The following CACNA1S variants were observed in gnomAD, a reference collection of about 807,000 sequenced individuals.
The protein encoded by CACNA1S is calcium voltage-gated channel subunit alpha1 S, also known as voltage-dependent L-type calcium channel subunit alpha-1S.
A neutral mutation model predicts 207.4 loss-of-function variants in CACNA1S; 126 were observed. That is an observed-to-expected ratio of 0.61 (90% CI 0.53 to 0.70). The LOEUF is 0.70. Ranked by LOEUF, CACNA1S falls within the 30% of genes least tolerant of loss-of-function variation. CACNA1S has a pLI of 0.00. For missense variants in CACNA1S, 2,349 were observed against 2,422.8 expected, an observed-to-expected ratio of 0.97 and a Z score of 0.64; for synonymous variants, 960 against 932.7, an observed-to-expected ratio of 1.03 and a Z score of -0.53.
chr1:201,061,435 C>A lies in CACNA1S; in HGVS notation c.3087G>T (p.Glu1029Asp), dbSNP rs1661045420. 1.2e-6 allele frequency: 2 copies of A among 1,614,220 alleles called. No individual in the cohort carries two copies. The highest frequency in any genetic ancestry group is 4.5e-5 in the East Asian group (2 of 44,886). Residue 1029 changes from glutamate to aspartate, a missense_variant, in exon 25 of 44, where the codon GAG (glutamate) becomes GAT (aspartate). Coordinates refer to ENST00000362061, the MANE Select transcript of CACNA1S (RefSeq NM_000069.3). Reference protein sequence around the residue: ...LLYKAIDSNAEDVGPIYNNRV... With the variant: ...LLYKAIDSNADDVGPIYNNRV... ...GGTTGTTGTAGATGGGACCCACGTCCTCCGCATTGGAGTCTATGGCCTTGT... is the reference window on the plus strand; with the variant it reads ...GGTTGTTGTAGATGGGACCCACGTCATCCGCATTGGAGTCTATGGCCTTGT...
At chr1:201,078,373 T>C (rs1353037979) in intron 10 of CACNA1S, among the ~76,000 whole-genome samples, 1 of 152,110 alleles carries the variant, frequency 6.6e-6, no homozygotes, top group Non-Finnish European at 1.5e-5. Flanking sequence ...TAGTTTTTTG[T>C]ATTTTTAATA....
chr1:201,061,893 G>T, intron 24 of CACNA1S, 51 bp downstream of exon 24: 1 of 1,608,642 alleles, frequency 6.2e-7, no homozygotes, highest in Non-Finnish European at 8.5e-7. Context: ...CTGGCTGCCT[G>T]GTCCTACCTG....
At position 201,043,268 on chromosome 1, in the gene CACNA1S, T is replaced by C. The variant is rs1660344407; in HGVS notation, c.5048+13A>G. On this transcript the variant is annotated intron_variant, in intron 40 of 43. Coordinates refer to ENST00000362061, the MANE Select transcript of CACNA1S (RefSeq NM_000069.3). ...GTACCTCTACACCCAGGGATGGCAG[T>C]GGCCGCCACTACCTGGAAAACACAT... 1.9e-6 allele frequency: 3 copies of C among 1,614,154 alleles called. No homozygotes were observed. The highest frequency in any genetic ancestry group is 2.5e-6 in the Non-Finnish European group (3 of 1,180,020).
In CACNA1S at chr1:201,093,734, G is replaced by A. The variant is rs562359949; in HGVS notation, c.398+148C>T. ...CACCAACATGGACAGCTCCCTTGCT[G>A]GGCCGGCCTCTAACAGAGGCTGCTC... On this transcript the variant is annotated intron_variant, in intron 3 of 43. Coordinates refer to ENST00000362061, the MANE Select transcript of CACNA1S (RefSeq NM_000069.3). 4.9e-4 allele frequency: 466 copies of A among 957,882 alleles called. 3 individuals carry two copies. In the African/African-American group the frequency reaches 6.6e-3, roughly 14 times the overall value. The allele number at this position is 957,882 out of a possible 1,614,324, so 59.3% of individuals were successfully genotyped here. A position where few individuals can be genotyped will look rare whatever the true frequency, so the allele number is the denominator to read the frequency against.
At chr1:201,096,753 C>T (rs1662446906) in intron 2 of CACNA1S, among the ~76,000 whole-genome samples, 1 of 152,226 alleles carries the variant, frequency 6.6e-6, no homozygotes. Context: ...GTGTCTACCC[C>T]TGCCTGGCAT....
In CACNA1S at chr1:201,041,511, C is replaced by G. The variant is rs1448271968; in HGVS notation, c.5127G>C (p.Arg1709Ser). Residue 1709 changes from arginine (R) to serine (S), a missense_variant, in exon 41 of 44, where the codon AGG becomes AGC. Arg to Ser is a moderately radical substitution (Grantham distance 110). Coordinates refer to ENST00000362061, the MANE Select transcript of CACNA1S (RefSeq NM_000069.3). ...TRGRALGQPC[R>S]VLGPHSKPCV... ...TGCACAGAAGGGACTGACCCAGGAC[C>G]CTGCAGGGTTGGCCAAGGGCTCGTC... The G allele has an allele frequency of 6.2e-7, 1 of 1,613,490 alleles. No individual in the cohort carries two copies. Among genetic ancestry groups the G allele is most frequent in the South Asian group, 1.1e-5 (1 of 91,054 alleles).
Position 201,066,037 on chromosome 1 carries a change from G to A in CACNA1S, c.2746-92C>T, listed in dbSNP as rs1208730209. 5 of 1,000,974 alleles carry A rather than the reference G, an allele frequency of 5.0e-6. No homozygotes were observed. Among genetic ancestry groups the A allele is most frequent in the African/African-American group, 4.8e-5 (3 of 62,508 alleles). The allele number at this position is 1,000,974 out of a possible 1,614,324, so 62.0% of individuals were successfully genotyped here. A position where few individuals can be genotyped will look rare whatever the true frequency, so the allele number is the denominator to read the frequency against. ...AAACCCCAGGAGTGCAAGACTTGCT[G>A]CCTCCTGATGAGTTGGAGGTGGGGA... is the stretch of plus-strand genomic sequence containing the variant. On this transcript the variant is annotated intron_variant, in intron 21 of 43. Transcript: ENST00000362061. This position sits in a 1 kb window ranked among gnomAD's most constrained non-coding sequence, Gnocchi z 4.3.
chr1:201,076,206 G>A (rs192535575), intron 12 of CACNA1S, among the ~76,000 whole-genome samples: 14 of 152,194 alleles, frequency 9.2e-5, no homozygotes, highest in Non-Finnish European at 1.8e-4. Flanking sequence ...ACCCACCCAG[G>A]CCTCCTGTTA....
rs958334061 is a variant in CACNA1S, at chr1:201,046,988, T to A, written c.4668+127A>T. On this transcript the variant is annotated intron_variant, in intron 38 of 43. Transcript: ENST00000362061. The stretch of plus-strand genomic sequence containing the variant: ...CAGAACTGTCTTGACATTTTTTCAC[T>A]CTTCTGGGCTTCCTTTTTCCCTCTA... The A allele has an allele frequency of 1.7e-5, 22 of 1,298,032 alleles. No homozygotes were observed. The African/African-American group carries it at 2.1e-4, about 12-fold the overall frequency. 80.4% of individuals were successfully genotyped at this position (1,298,032 alleles called of 1,614,324 possible). A position where few individuals can be genotyped will look rare whatever the true frequency, so the allele number is the denominator to read the frequency against.
chr1:201,089,357 C>A lies in CACNA1S; in HGVS notation c.801G>T (p.Gly267=), dbSNP rs1174967848. The A allele has an allele frequency of 8.7e-6, 14 of 1,614,136 alleles. No individual in the cohort carries two copies. The South Asian group carries it at 1.5e-4, about 18-fold the overall frequency. ...CGAAGTGGGTGATGCCATGGTTGGG[C>A]CCTGGCCAGCCGCCCCGGCACTCAC... The part of the protein sequence containing the change: ...NGSECRGGWP[G]PNHGITHFDN... Residue 267 remains glycine, a synonymous_variant, in exon 6 of 44, where the codon GGG becomes GGT. Coordinates refer to ENST00000362061, the MANE Select transcript of CACNA1S (RefSeq NM_000069.3).
chr1:201,106,960 C>T (rs1456504624), intron 2 of CACNA1S, among the ~76,000 whole-genome samples: 1 of 152,238 alleles, frequency 6.6e-6, no homozygotes, highest in Non-Finnish European at 1.5e-5. Flanking sequence ...AGAGCCATGT[C>T]CTTCCCTGAG....
intron 3 of CACNA1S, 109 bp downstream of exon 3, chr1:201,093,773 G>T: frequency 7.4e-7 from 1 of 1,357,696 alleles, no homozygotes. Flanking sequence ...GCAGTGGTTA[G>T]CACAATGCTG....
At chr1:201,086,792 AT>A (rs1662052499) in intron 7 of CACNA1S, among the ~76,000 whole-genome samples, 1 of 152,242 alleles carries the variant, frequency 6.6e-6, no homozygotes, top group Non-Finnish European at 1.5e-5. Flanking sequence ...ATCTATCATA[AT>A]TTCAAAGTAT....
chr1:201,077,795 C>T, intron 11 of CACNA1S, 84 bp downstream of exon 11: 1 of 906,838 alleles, frequency 1.1e-6, no homozygotes, highest in South Asian at 1.5e-5. Flanking sequence ...GATCCCAGAC[C>T]TCAGGAAATG....
Position 201,047,466 on chromosome 1 carries a change from G to A in CACNA1S, c.4543+59C>T, listed in dbSNP as rs189091566. 55 of 1,441,264 alleles carry A rather than the reference G, an allele frequency of 3.8e-5. No individual in the cohort carries two copies. The East Asian group carries it at 1.2e-3, about 32-fold the overall frequency. 89.3% of individuals were successfully genotyped at this position (1,441,264 alleles called of 1,614,324 possible). On this transcript the variant is annotated intron_variant, in intron 37 of 43. Transcript: ENST00000362061. ...GATTCCCATGGGGCTCCTTGGAGAA[G>A]CTCCCCACTCCCATTCCTTGGCTGC... is the stretch of plus-strand genomic sequence containing the variant.
intron 2 of CACNA1S, among the ~76,000 whole-genome samples, chr1:201,100,342 C>T (rs985422667): frequency 2.6e-5 from 4 of 152,206 alleles, no homozygotes; most frequent in East Asian, 1.9e-4. Flanking sequence ...TCTGGTAGGC[C>T]GGCCTGATGT....
intron 12 of CACNA1S, 138 bp from the exon 13 acceptor site, chr1:201,075,753 G>T: frequency 1.1e-6 from 1 of 929,312 alleles, no homozygotes; most frequent in Non-Finnish European, 1.7e-6. Flanking sequence ...AGTCTGGGTG[G>T]CCAGCCCCTG....
intron 26 of CACNA1S, 129 bp downstream of exon 26, chr1:201,060,529 C>A: frequency 1.0e-6 from 1 of 954,714 alleles, no homozygotes; most frequent in Non-Finnish European, 1.6e-6. Flanking sequence ...TTCCATGTAG[C>A]ACCTCAGCAC....
At chr1:201,096,576 C>T (rs1039468711) in intron 2 of CACNA1S, among the ~76,000 whole-genome samples, 2 of 152,212 alleles carry the variant, frequency 1.3e-5, no homozygotes, top group African/African-American at 4.8e-5. Context: ...AAGCATCCAT[C>T]GTGGGCAGGT....
Sources: allele counts gnomAD v4.1 joint callset (sites outside exome capture counted in the v4.1 genomes callset), GRCh38; gene constraint gnomAD v4.1.1; non-coding constraint Gnocchi (gnomAD v3.1); transcripts MANE v1.5; gene names NCBI Gene and HGNC (gene_info 2026-07-23, HGNC 2026-07-21).